Variants in RIT2 observed in about 807,000 individuals in gnomAD.
RIT2 encodes GTP-binding protein Rit2.
A neutral mutation model predicts 23.7 loss-of-function variants in RIT2; 24 were observed. The observed-to-expected ratio is 1.01, with a 90% CI of 0.73 to 1.43. The LOEUF is 1.43. Among genes scored for constraint, RIT2 ranks in the 40% most tolerant of loss-of-function variants. The pLI, the probability that RIT2 is intolerant of heterozygous loss-of-function variation, is 0.00. For synonymous variants in RIT2, 107 were observed against 91.1 expected, an observed-to-expected ratio of 1.17 and a Z score of -0.99; for missense variants, 236 against 266.9, an observed-to-expected ratio of 0.88 and a Z score of 0.81.
At chr18:42,939,221 C>A (rs1164270042) in intron 3 of RIT2, among the ~76,000 whole-genome samples, 1 of 152,096 alleles carries the variant, frequency 6.6e-6, no homozygotes, top group Non-Finnish European at 1.5e-5. Flanking sequence ...GGTTCTCAAG[C>A]TATACTGCCT....
intron 4 of RIT2, among the ~76,000 whole-genome samples, chr18:42,813,115 T>C (rs1905897829): frequency 6.6e-6 from 1 of 152,222 alleles, no homozygotes; most frequent in South Asian, 2.1e-4. Flanking sequence ...GTTTGGCATA[T>C]ACAAACTTGC....
chr18:42,802,595 C>T (rs1304790032), intron 4 of RIT2, among the ~76,000 whole-genome samples: 1 of 152,090 alleles, frequency 6.6e-6, no homozygotes, highest in Non-Finnish European at 1.5e-5. Flanking sequence ...AGAATAATGG[C>T]TAAAAGGATG....
chr18:42,857,829 A>G (rs1028310771), intron 4 of RIT2, among the ~76,000 whole-genome samples: 2 of 152,208 alleles, frequency 1.3e-5, no homozygotes, highest in African/African-American at 4.8e-5. Context: ...GGTAATGCTC[A>G]AGACCTAGGT....
At chr18:42,802,158 G>C (rs1489917789) in intron 4 of RIT2, among the ~76,000 whole-genome samples, 1 of 152,136 alleles carries the variant, frequency 6.6e-6, no homozygotes, top group African/African-American at 2.4e-5. Context: ...AAAATTAAAA[G>C]CATGAATTTT....
chr18:43,089,001 T>TTG (rs1232285858), intron 1 of RIT2, among the ~76,000 whole-genome samples: 1 of 152,132 alleles, frequency 6.6e-6, no homozygotes, highest in African/African-American at 2.4e-5. Context: ...CTTGAGATAG[T>TTG]TGTGTGTGTA....
At chr18:42,915,310 A>C (rs989935688) in intron 4 of RIT2, among the ~76,000 whole-genome samples, 2 of 151,990 alleles carry the variant, frequency 1.3e-5, no homozygotes, top group Admixed American at 1.3e-4. Context: ...GAAATCTTAG[A>C]TAGGGTAATA....
chr18:42,909,483 T>G (rs1908711597), intron 4 of RIT2, among the ~76,000 whole-genome samples: 1 of 152,004 alleles, frequency 6.6e-6, no homozygotes, highest in Admixed American at 6.6e-5. Flanking sequence ...TTAAAAACCC[T>G]CCAGTTTTCA....
chr18:43,033,946 A>G lies in RIT2; in HGVS notation c.104-79T>C, dbSNP rs1598755285. ...AGTTATTTACCAACATAGTCCACCA[A>G]TCTTTTAAAAGGTTATGGTGAATAA... On this transcript the variant is annotated intron_variant, in intron 1 of 4. Transcript: ENST00000326695. 13 of 948,190 alleles carry G rather than the reference A, an allele frequency of 1.4e-5. No homozygotes were observed. In the East Asian group the frequency reaches 3.3e-4, roughly 24 times the overall value. 58.7% of individuals were successfully genotyped at this position (948,190 alleles called of 1,614,324 possible). A position where few individuals can be genotyped will look rare whatever the true frequency, so the allele number is the denominator to read the frequency against.
chr18:42,847,109 T>C (rs1166616524), intron 4 of RIT2, among the ~76,000 whole-genome samples: 3 of 152,120 alleles, frequency 2.0e-5, no homozygotes, highest in Middle Eastern at 3.2e-3. Flanking sequence ...AAAACATATA[T>C]TGGACTGTTC....
At chr18:42,848,906 A>T (rs921476167) in intron 4 of RIT2, among the ~76,000 whole-genome samples, 4 of 152,212 alleles carry the variant, frequency 2.6e-5, no homozygotes, top group Non-Finnish European at 5.9e-5. Flanking sequence ...TTTATCTGAG[A>T]TAGGTCTGTA....
At chr18:42,889,715 G>T (rs77499268) in intron 4 of RIT2, among the ~76,000 whole-genome samples, 8 of 151,772 alleles carry the variant, frequency 5.3e-5, no homozygotes, top group Non-Finnish European at 1.2e-4. Context: ...AATGTATACC[G>T]CCATCAAACA....
intron 2 of RIT2, among the ~76,000 whole-genome samples, chr18:42,993,598 A>G (rs1246293722): frequency 1.3e-5 from 2 of 151,826 alleles, no homozygotes; most frequent in African/African-American, 4.8e-5. Context: ...TCTTTTAAGT[A>G]CTCCTTTTTA....
intron 4 of RIT2, among the ~76,000 whole-genome samples, chr18:42,903,365 G>A (rs1200610764): frequency 1.3e-5 from 2 of 151,954 alleles, no homozygotes; most frequent in African/African-American, 2.4e-5. Context: ...TGCAGAAGTC[G>A]ATTATCTAAG....
chr18:43,036,385 C>T (rs1257723879), intron 1 of RIT2, among the ~76,000 whole-genome samples: 1 of 152,170 alleles, frequency 6.6e-6, no homozygotes, highest in African/African-American at 2.4e-5. Flanking sequence ...ACTAAAAATA[C>T]GGAAATCAGC....
intron 4 of RIT2, among the ~76,000 whole-genome samples, chr18:42,900,658 T>C (rs1265735400): frequency 6.6e-6 from 1 of 152,066 alleles, no homozygotes; most frequent in Admixed American, 6.6e-5. Context: ...TAAATAATTC[T>C]CTCCCTCTTT....
intron 4 of RIT2, among the ~76,000 whole-genome samples, chr18:42,814,758 A>G (rs997377188): frequency 4.6e-5 from 7 of 152,146 alleles, no homozygotes; most frequent in African/African-American, 1.7e-4. Context: ...CAGGAGGCCA[A>G]CCAGAACAAA....
intron 4 of RIT2, among the ~76,000 whole-genome samples, chr18:42,837,397 G>A (rs1476346846): frequency 6.6e-6 from 1 of 151,300 alleles, no homozygotes. Context: ...TCGATCTCCT[G>A]ACCTCATGAT....
rs148771249 is a variant in RIT2 at position 43,051,437 on chromosome 18, C to T, written c.104-17570G>A. Among the ~76,000 whole-genome samples, 764 of 151,222 alleles carry T rather than the reference C, an allele frequency of 5.1e-3. 6 individuals are homozygous for T. Among genetic ancestry groups the T allele is most frequent in the Non-Finnish European group, 7.8e-3 (526 of 67,410 alleles). ...TTTTTCTGGGTGGATGGGATGGTGA[C>T]CTTTGCTAAGGGAACATAGGAATAG... On this transcript the variant is annotated intron_variant, in intron 1 of 4. Transcript: ENST00000326695.
chr18:43,062,296 A>G lies in RIT2; in HGVS notation c.104-28429T>C, dbSNP rs557954287. Among the ~76,000 whole-genome samples the G allele has an allele frequency of 2.6e-5, 4 of 152,304 alleles. No homozygotes were observed. In the South Asian group the frequency reaches 8.3e-4, roughly 32 times the overall value. On this transcript the variant is annotated intron_variant, in intron 1 of 4. Transcript: ENST00000326695. ...CTTAAAAAATTGAGAGTAAATGTCT[A>G]TACTTTACTTCAAGACAAAAAAGAG... is the stretch of plus-strand genomic sequence containing the variant.
Sources: allele counts gnomAD v4.1 joint callset (sites outside exome capture counted in the v4.1 genomes callset), GRCh38; gene constraint gnomAD v4.1.1; transcripts MANE v1.5; gene names NCBI Gene and HGNC (gene_info 2026-07-23, HGNC 2026-07-21).